The following SLIT3 variants were observed in gnomAD, a reference collection of about 807,000 sequenced individuals.
SLIT3 encodes slit homolog 3 protein.
SLIT3 carries 68 observed loss-of-function variants against 184.0 expected under a neutral mutation model. That is an observed-to-expected ratio of 0.37 (90% CI 0.30 to 0.45). SLIT3 has a LOEUF of 0.45. SLIT3 is among the 20% of genes least tolerant of loss of function. The pLI is 1.00. For missense variants in SLIT3, 1,707 were observed against 2,026.0 expected (o/e 0.84, Z 3.02); for synonymous variants, 831 against 828.6 (o/e 1.00, Z -0.05).
chr5:169,151,012 A>T (rs1418281870), intron 4 of SLIT3, among the ~76,000 whole-genome samples: 1 of 152,202 alleles, frequency 6.6e-6, no homozygotes, highest in Non-Finnish European at 1.5e-5. Flanking sequence ...CTGGACTTCC[A>T]GATAAGAAGG....
chr5:169,141,200 G>A (rs532774879), intron 4 of SLIT3, among the ~76,000 whole-genome samples: 2 of 151,950 alleles, frequency 1.3e-5, no homozygotes, highest in East Asian at 1.9e-4. Flanking sequence ...GGTCTACCCC[G>A]ACATGACCCC....
At chr5:169,227,946 G>A (rs558267280) in intron 3 of SLIT3, among the ~76,000 whole-genome samples, 35 of 152,114 alleles carry the variant, frequency 2.3e-4, no homozygotes, top group Non-Finnish European at 4.3e-4. Context: ...CAATACAGGT[G>A]GGGGCACTCT....
At chr5:169,008,340 G>A (rs1437532395) in intron 4 of SLIT3, among the ~76,000 whole-genome samples, 6 of 152,210 alleles carry the variant, frequency 3.9e-5, no homozygotes, top group Non-Finnish European at 7.3e-5. Flanking sequence ...AAGGCTGGGA[G>A]GAGGCTCCAA....
intron 4 of SLIT3, among the ~76,000 whole-genome samples, chr5:169,093,204 G>A (rs969475141): frequency 1.3e-5 from 2 of 152,110 alleles, no homozygotes; most frequent in Admixed American, 6.5e-5. Context: ...CACCTCTCTT[G>A]CTTCTTCTTT....
Position 168,663,826 on chromosome 5 carries a change from G to A in SLIT3, c.*2628C>T, listed in dbSNP as rs999141844. On this transcript the variant is annotated 3_prime_UTR_variant, in exon 36 of 36. Transcript: ENST00000519560. ...CTAGGACTAGAAGTTCCCTCCTCTG[G>A]ACAGCCACTTCCATTGCTTGTATTG... 1 of 152,162 alleles carries A rather than the reference G, an allele frequency of 6.6e-6. No individual in the cohort carries two copies. Among genetic ancestry groups the A allele is most frequent in the Non-Finnish European group, 1.5e-5 (1 of 68,052 alleles). The allele number at this position is 152,162 out of a possible 1,614,324, so 9.4% of individuals were successfully genotyped here.
At chr5:169,027,715 C>T (rs557786564) in intron 4 of SLIT3, among the ~76,000 whole-genome samples, 21 of 152,278 alleles carry the variant, frequency 1.4e-4, no homozygotes, top group African/African-American at 3.6e-4. Flanking sequence ...GTCACTTGGC[C>T]GCAGCGGTTC....
At position 168,940,506 on chromosome 5, in the gene SLIT3, CT is replaced by C. The variant is rs912861136; in HGVS notation, c.414-57171del. Among the ~76,000 whole-genome samples the C allele has an allele frequency of 5.3e-5, 8 of 151,514 alleles. No homozygotes were observed. The South Asian group carries it at 8.4e-4, about 16-fold the overall frequency. ...ACATAAAATTATAAAGTATCTTTAT[CT>C]TTTTTTTTAAGTAAAAAACATTTAG... On this transcript the variant is annotated intron_variant, in intron 4 of 35. Coordinates refer to ENST00000519560, the MANE Select transcript of SLIT3 (RefSeq NM_003062.4).
At chr5:168,772,556 T>C in intron 14 of SLIT3, 1 of 548,758 alleles carries the variant, frequency 1.8e-6, no homozygotes, top group Non-Finnish European at 3.2e-6. Flanking sequence ...CGTCTCCTCC[T>C]CCCCATGCTT....
intron 4 of SLIT3, among the ~76,000 whole-genome samples, chr5:168,944,133 T>C (rs1166517215): frequency 2.0e-5 from 3 of 152,184 alleles, no homozygotes; most frequent in Non-Finnish European, 4.4e-5. Context: ...GTCAAAGTAA[T>C]TGGATAACGG....
rs114777013 is a variant in SLIT3, at chr5:168,676,212, C to T, written c.3687-2881G>A. 1.4e-3 allele frequency among the ~76,000 whole-genome samples: 217 copies of T among 152,204 alleles called. No homozygotes were observed. The Middle Eastern group carries it at 0.034, about 24-fold the overall frequency. On this transcript the variant is annotated intron_variant, in intron 32 of 35. Transcript: ENST00000519560. ...ATCCATCCTTCATCTACCCTTCATCCGCCCACCCACCAAGTGTCTGCTATG... is the reference window on the plus strand; with the variant it reads ...ATCCATCCTTCATCTACCCTTCATCTGCCCACCCACCAAGTGTCTGCTATG...
chr5:169,066,690 G>A (rs769540683), intron 4 of SLIT3, among the ~76,000 whole-genome samples: 21 of 152,098 alleles, frequency 1.4e-4, no homozygotes, highest in African/African-American at 4.1e-4. Flanking sequence ...TAAAGTTTTC[G>A]CCCAAGGAAA....
chr5:168,894,340 G>A (rs1482736081), intron 4 of SLIT3, among the ~76,000 whole-genome samples: 1 of 152,192 alleles, frequency 6.6e-6, no homozygotes, highest in African/African-American at 2.4e-5. Flanking sequence ...GAGGCCTGAT[G>A]CATAGCTTTA....
chr5:169,282,311 A>G (rs1005943109), intron 1 of SLIT3, among the ~76,000 whole-genome samples: 2 of 152,206 alleles, frequency 1.3e-5, no homozygotes, highest in African/African-American at 4.8e-5. Flanking sequence ...GTCAGAAAAT[A>G]GGCTCTGGGG....
At position 168,881,118 on chromosome 5, in the gene SLIT3, C is replaced by A. The variant is rs115976092; in HGVS notation, c.485+2147G>T. ...TCCCCTTTCCTTCTTCCCCGCAAGC[C>A]CAGCTGCTAGTAGTGAGTATAAACA... is the stretch of plus-strand genomic sequence containing the variant. On this transcript the variant is annotated intron_variant, in intron 5 of 35. Coordinates refer to ENST00000519560, the MANE Select transcript of SLIT3 (RefSeq NM_003062.4). Among the ~76,000 whole-genome samples, 182 of 152,266 alleles carry A rather than the reference C, an allele frequency of 1.2e-3. 1 individual carries two copies. Among genetic ancestry groups the A allele is most frequent in the African/African-American group, 4.0e-3 (168 of 41,544 alleles).
intron 4 of SLIT3, among the ~76,000 whole-genome samples, chr5:169,046,130 AC>A (rs959417073): frequency 6.6e-6 from 1 of 152,010 alleles, no homozygotes; most frequent in African/African-American, 2.4e-5. Flanking sequence ...CCCCTTCCCT[AC>A]CCCCCAAAAG....
intron 4 of SLIT3, among the ~76,000 whole-genome samples, chr5:168,977,649 G>GCTCAACACCTT (rs1409657269): frequency 6.6e-6 from 1 of 152,134 alleles, no homozygotes; most frequent in Non-Finnish European, 1.5e-5. Flanking sequence ...AGCAATTGCT[G>GCTCAACACCTT]CTCTCAATAC....
At chr5:169,153,621 C>T (rs1762199644) in intron 4 of SLIT3, among the ~76,000 whole-genome samples, 1 of 152,254 alleles carries the variant, frequency 6.6e-6, no homozygotes, top group Non-Finnish European at 1.5e-5. Flanking sequence ...GAACGTCAGG[C>T]ACAGGCTGCT....
intron 1 of SLIT3, among the ~76,000 whole-genome samples, chr5:169,262,823 C>T (rs1384760026): frequency 6.6e-6 from 1 of 152,206 alleles, no homozygotes; most frequent in African/African-American, 2.4e-5. Flanking sequence ...TATGTTCCTG[C>T]TGTCTGTATG....
At chr5:168,964,081 A>G (rs567479038) in intron 4 of SLIT3, among the ~76,000 whole-genome samples, 1 of 152,372 alleles carries the variant, frequency 6.6e-6, no homozygotes, top group Non-Finnish European at 1.5e-5. Flanking sequence ...ATAAAAGCAA[A>G]TAAAATAAAA....
Sources: gnomAD v4.1 joint callset for allele counts (sites outside exome capture counted in the v4.1 genomes callset) on GRCh38, gnomAD v4.1.1 for gene constraint, MANE v1.5 for transcripts, NCBI Gene and HGNC (gene_info 2026-07-23, HGNC 2026-07-21) for gene names.